The following ARFGEF1 variants were observed in gnomAD, a reference collection of about 807,000 sequenced individuals.
The protein encoded by ARFGEF1 is ARF guanine nucleotide exchange factor 1.
In ARFGEF1, 42 loss-of-function variants were observed where a neutral mutation model predicts 231.0. The ratio of observed to expected loss-of-function variants is 0.18; its 90% CI spans 0.14 to 0.24. The LOEUF (loss-of-function observed/expected upper bound fraction) is 0.24. Among genes scored for constraint, ARFGEF1 ranks in the 10% least tolerant of loss-of-function variants. The pLI is 1.00. For missense variants in ARFGEF1, 1,345 were observed against 2,192.0 expected (o/e 0.61, Z 7.72); for synonymous variants, 710 against 732.3 (o/e 0.97, Z 0.49).
chr8:67,293,543 A>G lies in ARFGEF1; in HGVS notation c.640-1420T>C, dbSNP rs1326339339. Among the ~76,000 whole-genome samples, 6 of 152,198 alleles carry G rather than the reference A, an allele frequency of 3.9e-5. No homozygotes were observed. The South Asian group carries it at 1.2e-3, about 32-fold the overall frequency. On this transcript the variant is annotated intron_variant, in intron 5 of 38. Coordinates refer to ENST00000262215, the MANE Select transcript of ARFGEF1 (RefSeq NM_006421.5). ...AGAGGAGAGTGACTTAATAGATAAT[A>G]GGCTATATCCTAAAGTACTATCATC...
At chr8:67,238,540 T>A in intron 21 of ARFGEF1, 47 bp from the exon 22 acceptor site, 1 of 1,548,786 alleles carries the variant, frequency 6.5e-7, no homozygotes, top group South Asian at 1.2e-5. Flanking sequence ...GTTAAAAATA[T>A]CTTCAAAAAG....
chr8:67,212,794 A>C (rs1161552924), intron 33 of ARFGEF1, among the ~76,000 whole-genome samples: 1 of 152,224 alleles, frequency 6.6e-6, no homozygotes, highest in Non-Finnish European at 1.5e-5. Context: ...AGTTCTCAGA[A>C]TTAAAAATGT....
rs1416573597 is a variant in ARFGEF1 at position 67,240,408 on chromosome 8, A to G, written c.2851-118T>C. 16 of 1,023,048 alleles carry G rather than the reference A, an allele frequency of 1.6e-5. No homozygotes were observed. The East Asian group carries it at 4.2e-4, about 27-fold the overall frequency. 63.4% of individuals were successfully genotyped at this position (1,023,048 alleles called of 1,614,324 possible). A position where few individuals can be genotyped will look rare whatever the true frequency, so the allele number is the denominator to read the frequency against. ...GAAATGAAATTCTTGGCAGTTATCTAGAAAGCTTTCTTAAACAAAGGGGGA... is the reference window on the plus strand; with the variant it reads ...GAAATGAAATTCTTGGCAGTTATCTGGAAAGCTTTCTTAAACAAAGGGGGA... On this transcript the variant is annotated intron_variant, in intron 19 of 38. Coordinates refer to ENST00000262215, the MANE Select transcript of ARFGEF1 (RefSeq NM_006421.5).
chr8:67,203,221 C>G lies in ARFGEF1; in HGVS notation c.4990G>C (p.Asp1664His), dbSNP rs1475879568. 1.2e-6 allele frequency: 2 copies of G among 1,614,032 alleles called. No individual in the cohort carries two copies. The highest frequency in any genetic ancestry group is 1.7e-6 in the Non-Finnish European group (2 of 1,180,022). ...RDAVDFDVRVDTQDQGMYRFL... is the reference protein window; with the variant it reads ...RDAVDFDVRVHTQDQGMYRFL... ...CGGTACATTCCTTGGTCTTGAGTAT[C>G]AACGCGAACATCAAAGTCCACCGCA... is the stretch of plus-strand genomic sequence containing the variant. Residue 1664 changes from aspartate to histidine, a missense_variant, in exon 36 of 39, where the codon GAT becomes CAT. Physicochemically the swap from Asp to His is moderately conservative, Grantham distance 81. Around this residue, in one of 14 missense-constraint regions of ARFGEF1, gnomAD observed 161 missense variants for 284.9 expected, o/e 0.57. Coordinates refer to ENST00000262215, the MANE Select transcript of ARFGEF1 (RefSeq NM_006421.5).
At chr8:67,220,897 C>CTTT (rs60939328) in intron 29 of ARFGEF1, among the ~76,000 whole-genome samples, 22 of 140,276 alleles carry the variant, frequency 1.6e-4, no homozygotes, top group East Asian at 8.3e-4. Flanking sequence ...TTTTCCTTTT[C>CTTT]TTTTTTTTTT....
chr8:67,311,205 T>C (rs1807018567), intron 1 of ARFGEF1, among the ~76,000 whole-genome samples: 2 of 140,350 alleles, frequency 1.4e-5, no homozygotes. Context: ...GGAGCCCCTC[T>C]GCCTGGCCAG....
intron 34 of ARFGEF1, among the ~76,000 whole-genome samples, chr8:67,206,140 T>C (rs1417606532): frequency 6.6e-6 from 1 of 151,928 alleles, no homozygotes; most frequent in East Asian, 1.9e-4. Flanking sequence ...CCGGGTGCAA[T>C]GGCTCATGCC....
chr8:67,210,169 A>G (rs576052803), intron 34 of ARFGEF1, among the ~76,000 whole-genome samples: 27 of 148,274 alleles, frequency 1.8e-4, no homozygotes, highest in East Asian at 4.0e-4. Context: ...AAAAAAAAAA[A>G]AAAAAGAAAA....
At position 67,198,802 on chromosome 8, in the gene ARFGEF1, C is replaced by G; in HGVS notation, c.*132G>C. On this transcript the variant is annotated 3_prime_UTR_variant, in exon 39 of 39. Transcript: ENST00000262215. ...TGGAGTGTTGCAAGTTTGAGTAAGA[C>G]TTCTAAGCATCTTTACCAGTAACTC... The G allele has an allele frequency of 6.9e-7, 1 of 1,459,314 alleles. No homozygotes were observed. The highest frequency in any genetic ancestry group is 2.5e-5 in the East Asian group (1 of 40,056). 90.4% of individuals were successfully genotyped at this position (1,459,314 alleles called of 1,614,324 possible).
chr8:67,245,389 A>G (rs1380746746), intron 19 of ARFGEF1, among the ~76,000 whole-genome samples: 2 of 150,632 alleles, frequency 1.3e-5, no homozygotes, highest in Non-Finnish European at 2.9e-5. Flanking sequence ...AAGATGACTC[A>G]CAGCTTTTCA....
intron 5 of ARFGEF1, among the ~76,000 whole-genome samples, chr8:67,294,399 T>C (rs1806142217): frequency 6.6e-6 from 1 of 152,006 alleles, no homozygotes; most frequent in Non-Finnish European, 1.5e-5. Flanking sequence ...TATTGCAGAG[T>C]GTGGGGAAGA....
At chr8:67,186,053 A>G (rs565089935) in intron 5 of ARFGEF1, among the ~76,000 whole-genome samples, 1 of 152,354 alleles carries the variant, frequency 6.6e-6, no homozygotes, top group African/African-American at 2.4e-5. Context: ...TTGCTTCTGG[A>G]TGATTGATCA....
chr8:67,184,738 AAAAAATAT>A (rs1563780296), intron 5 of ARFGEF1, among the ~76,000 whole-genome samples: 9 of 140,996 alleles, frequency 6.4e-5, no homozygotes, highest in African/African-American at 2.2e-4. Flanking sequence ...AATAATAATA[AAAAAATAT>A]AATAATAATA....
intron 1 of ARFGEF1, among the ~76,000 whole-genome samples, chr8:67,318,696 G>A (rs2128926055): frequency 6.6e-6 from 1 of 152,308 alleles, no homozygotes; most frequent in African/African-American, 2.4e-5. Context: ...ACTATCTACA[G>A]CCAGGTGCAA....
intron 17 of ARFGEF1, 98 bp downstream of exon 17, chr8:67,257,634 C>T: frequency 4.0e-6 from 4 of 1,011,726 alleles, no homozygotes; most frequent in South Asian, 2.9e-5. Flanking sequence ...ACTGGTTTAA[C>T]TGAATAAAAC....
intron 1 of ARFGEF1, among the ~76,000 whole-genome samples, chr8:67,326,920 A>C (rs1299363728): frequency 6.6e-6 from 1 of 152,206 alleles, no homozygotes; most frequent in Non-Finnish European, 1.5e-5. Flanking sequence ...AATCAAAGTG[A>C]GAAAGGTCTT....
Position 67,339,795 on chromosome 8 carries a change from CGGGGG to C in ARFGEF1, c.124+3364_124+3368del, listed in dbSNP as rs746222432. ...GTTGTAACAGTGTAACAGTGTGGGG[CGGGGG>C]GGGGGATTCTTTCTTTTTTAACCAT... On this transcript the variant is annotated intron_variant, in intron 1 of 38. Coordinates refer to ENST00000262215, the MANE Select transcript of ARFGEF1 (RefSeq NM_006421.5). Among the ~76,000 whole-genome samples, 17 of 14,274 alleles carry C rather than the reference CGGGGG, an allele frequency of 1.2e-3. 6 individuals carry two copies. The highest frequency in any genetic ancestry group is 5.4e-3 in the Admixed American group (6 of 1,116). 9.4% of individuals were successfully genotyped at this position (14,274 alleles called of 152,430 possible).
At chr8:67,323,957 C>A (rs952574698) in intron 1 of ARFGEF1, among the ~76,000 whole-genome samples, 1 of 152,086 alleles carries the variant, frequency 6.6e-6, no homozygotes, top group African/African-American at 2.4e-5. Flanking sequence ...CCTGCCACTA[C>A]GCCTGGCTGA....
intron 33 of ARFGEF1, among the ~76,000 whole-genome samples, chr8:67,212,287 T>C (rs1353319140): frequency 6.6e-6 from 1 of 152,140 alleles, no homozygotes; most frequent in Non-Finnish European, 1.5e-5. Flanking sequence ...TTCACCGTGT[T>C]GGTCATGCTG....
Sources: gnomAD v4.1 joint callset for allele counts (sites outside exome capture counted in the v4.1 genomes callset) on GRCh38, gnomAD v4.1.1 for gene constraint, gnomAD v4.1.1 regional missense constraint, MANE v1.5 for transcripts, NCBI Gene and HGNC (gene_info 2026-07-23, HGNC 2026-07-21) for gene names.